The following MAL2 variants were observed in gnomAD, a reference collection of about 807,000 sequenced individuals.
MAL2 encodes the protein protein MAL2.
In MAL2, 17 loss-of-function variants were observed where a neutral mutation model predicts 18.1. The observed-to-expected ratio is 0.94, with a 90% CI of 0.64 to 1.41. The LOEUF (loss-of-function observed/expected upper bound fraction) is 1.41, where lower values mean the gene tolerates loss of function less well. Among genes scored for constraint, MAL2 ranks in the 40% most tolerant of loss-of-function variants. MAL2 has a pLI of 0.00. For synonymous variants in MAL2, 102 were observed against 102.3 expected (o/e 1.00, Z 0.02); for missense variants, 222 against 231.9 (o/e 0.96, Z 0.28).
intron 2 of MAL2, among the ~76,000 whole-genome samples, chr8:119,235,371 A>ACT (rs759922371): frequency 1.1e-4 from 16 of 152,156 alleles, no homozygotes; most frequent in Non-Finnish European, 1.6e-4. Flanking sequence ...GTTGGAAAAC[A>ACT]CTACAGGATA....
intron 1 of MAL2, chr8:119,221,340 C>A (rs948220582): frequency 7.1e-6 from 3 of 422,238 alleles, no homozygotes; most frequent in African/African-American, 5.9e-5. Flanking sequence ...GTTGAAGAAG[C>A]GAGTCCAACC....
chr8:119,232,202 A>G (rs887792375), intron 2 of MAL2, among the ~76,000 whole-genome samples: 1 of 151,696 alleles, frequency 6.6e-6, no homozygotes, highest in Non-Finnish European at 1.5e-5. Flanking sequence ...CATGTACACG[A>G]TAAATATGTA....
intron 2 of MAL2, among the ~76,000 whole-genome samples, chr8:119,239,822 A>G (rs200312588): frequency 1.3e-5 from 2 of 151,530 alleles, no homozygotes; most frequent in Non-Finnish European, 2.9e-5. Flanking sequence ...TGAGTTAATG[A>G]GTGCAGCACA....
intron 2 of MAL2, among the ~76,000 whole-genome samples, chr8:119,232,329 A>G (rs1817751111): frequency 6.6e-6 from 1 of 152,174 alleles, no homozygotes; most frequent in Non-Finnish European, 1.5e-5. Context: ...CAAACAGTCA[A>G]CAGTCATTTA....
chr8:119,232,789 G>T (rs1007363677), intron 2 of MAL2, among the ~76,000 whole-genome samples: 1 of 152,068 alleles, frequency 6.6e-6, no homozygotes, highest in Admixed American at 6.5e-5. Context: ...ATATGTTATG[G>T]CTTTTTTATA....
chr8:119,232,876 GT>G (rs2129872213), intron 2 of MAL2, among the ~76,000 whole-genome samples: 1 of 152,280 alleles, frequency 6.6e-6, no homozygotes, highest in African/African-American at 2.4e-5. Flanking sequence ...AGGTTGTTCA[GT>G]TTCCATGTAG....
chr8:119,219,520 G>GGT (rs143315878), intron 1 of MAL2, among the ~76,000 whole-genome samples: 193 of 148,010 alleles, frequency 1.3e-3, no homozygotes, highest in Middle Eastern at 3.5e-3. Flanking sequence ...ACTCTCCCTG[G>GGT]GTGTGTGTGT....
At chr8:119,234,314 A>T (rs556431512) in intron 2 of MAL2, among the ~76,000 whole-genome samples, 1 of 152,202 alleles carries the variant, frequency 6.6e-6, no homozygotes, top group Admixed American at 6.5e-5. Flanking sequence ...TCCTATGCCC[A>T]CGGAATCTCG....
At chr8:119,233,504 G>A (rs1385006553) in intron 2 of MAL2, among the ~76,000 whole-genome samples, 2 of 152,162 alleles carry the variant, frequency 1.3e-5, no homozygotes, top group African/African-American at 2.4e-5. Context: ...TAGCAGCACT[G>A]ATCCACAGAA....
intron 3 of MAL2, among the ~76,000 whole-genome samples, chr8:119,240,651 A>G (rs1818029170): frequency 6.6e-6 from 1 of 152,120 alleles, no homozygotes; most frequent in Non-Finnish European, 1.5e-5. Context: ...GGTAAAGGAG[A>G]TTTCCAGTTT....
At chr8:119,238,460 A>G (rs1185848142) in intron 2 of MAL2, among the ~76,000 whole-genome samples, 3 of 152,128 alleles carry the variant, frequency 2.0e-5, no homozygotes, top group Non-Finnish European at 2.9e-5. Flanking sequence ...AAGAGCCCGC[A>G]TCGCCAAGTC....
At chr8:119,243,165 T>C (rs1818080345) in intron 3 of MAL2, among the ~76,000 whole-genome samples, 1 of 151,894 alleles carries the variant, frequency 6.6e-6, no homozygotes, top group African/African-American at 2.4e-5. Context: ...AAATGTTCAG[T>C]GTAAAGTTGT....
At position 119,243,339 on chromosome 8, in the gene MAL2, C is replaced by T. The variant is rs539014614; in HGVS notation, c.460-78C>T. ...TTTAGGTAGATTGTTGGTCAAACTT[C>T]ATATGGTTGTTCTTTAGGACACTGT... On this transcript the variant is annotated intron_variant, in intron 3 of 3. Coordinates refer to ENST00000614891, the MANE Select transcript of MAL2 (RefSeq NM_052886.3). 3.9e-5 allele frequency: 41 copies of T among 1,049,770 alleles called. No homozygotes were observed. In the South Asian group the frequency reaches 7.3e-4, roughly 19 times the overall value. 65.0% of individuals were successfully genotyped at this position (1,049,770 alleles called of 1,614,324 possible).
rs1166531995 is a variant in MAL2, at chr8:119,240,417, T to C, written c.459+97T>C. 9.5e-6 allele frequency: 12 copies of C among 1,269,276 alleles called. No homozygotes were observed. In the African/African-American group the frequency reaches 1.3e-4, roughly 14 times the overall value. The allele number at this position is 1,269,276 out of a possible 1,614,324, so 78.6% of individuals were successfully genotyped here. On this transcript the variant is annotated intron_variant, in intron 3 of 3. Coordinates refer to ENST00000614891, the MANE Select transcript of MAL2 (RefSeq NM_052886.3). ...CTCAGGCAACAATAGTTTTCTTCAA[T>C]GCTAGCCATTGGCATTAAATATGTA...
Position 119,240,262 on chromosome 8 carries a change from C to T in MAL2, c.401C>T (p.Thr134Ile). The change falls in exon 3 of 4, where the codon ACC becomes ATC. Residue 134 changes from threonine to isoleucine, a missense_variant. By Grantham distance (89) the Thr-to-Ile change is moderately conservative. Transcript: ENST00000614891. ...CTGCATGATTTGCATTGCAATACAA[C>T]CATAACCGGGCAGCCACTCCTGAGT... ...TSLHDLHCNT[T>I]ITGQPLLSDN... 6 of 1,613,644 alleles carry T rather than the reference C, an allele frequency of 3.7e-6. No homozygotes were observed. Among genetic ancestry groups the T allele is most frequent in the Non-Finnish European group, 4.2e-6 (5 of 1,179,812 alleles).
At chr8:119,214,243 G>A (rs1286900880) in intron 1 of MAL2, among the ~76,000 whole-genome samples, 2 of 152,228 alleles carry the variant, frequency 1.3e-5, no homozygotes, top group Non-Finnish European at 2.9e-5. Context: ...ATAGTCTGGA[G>A]ACATTGGCTG....
rs201377911 is a variant in MAL2 at position 119,238,617 on chromosome 8, C to T, written c.304-1548C>T. 3.5e-3 allele frequency among the ~76,000 whole-genome samples: 525 copies of T among 148,844 alleles called. 1 individual carries two copies. The highest frequency in any genetic ancestry group is 5.5e-3 in the Non-Finnish European group (371 of 67,386). On this transcript the variant is annotated intron_variant, in intron 2 of 3. Coordinates refer to ENST00000614891, the MANE Select transcript of MAL2 (RefSeq NM_052886.3). ...AACAGAACAGAGCCCTCAGAAATAA[C>T]GCCACATATCTACAACTATCTGATC...
chr8:119,231,120 C>T (rs1817715406), intron 2 of MAL2, among the ~76,000 whole-genome samples: 1 of 152,146 alleles, frequency 6.6e-6, no homozygotes, highest in Non-Finnish European at 1.5e-5. Flanking sequence ...CAAGCTCCAC[C>T]TCCCAGGTTC....
chr8:119,243,281 A>G, intron 3 of MAL2, 136 bp from the exon 4 acceptor site: 1 of 548,368 alleles, frequency 1.8e-6, no homozygotes, highest in Non-Finnish European at 3.0e-6. Flanking sequence ...AAAAAAAAAC[A>G]ATGTAAAATA....
Sources: allele counts gnomAD v4.1 joint callset (sites outside exome capture counted in the v4.1 genomes callset), GRCh38; gene constraint gnomAD v4.1.1; transcripts MANE v1.5; gene names NCBI Gene and HGNC (gene_info 2026-07-23, HGNC 2026-07-21).